Variants in MREG observed in about 807,000 individuals in gnomAD.
MREG encodes dilute suppressor protein homolog.
MREG carries 31 observed loss-of-function variants against 28.5 expected under a neutral mutation model. That is an observed-to-expected ratio of 1.09 (90% CI 0.82 to 1.47). The LOEUF (loss-of-function observed/expected upper bound fraction) is 1.47. Among genes scored for constraint, MREG ranks in the 40% most tolerant of loss-of-function variants. The probability of loss-of-function intolerance (pLI) is 0.00; values close to 1 mark genes in which losing one functional copy is unlikely to be tolerated. For synonymous variants in MREG, 106 were observed against 95.2 expected, an observed-to-expected ratio of 1.11 and a Z score of -0.66; for missense variants, 256 against 257.4, an observed-to-expected ratio of 0.99 and a Z score of 0.04.
intron 1 of MREG, among the ~76,000 whole-genome samples, chr2:216,004,793 C>T (rs775458825): frequency 5.3e-5 from 8 of 151,996 alleles, no homozygotes; most frequent in East Asian, 1.9e-4. Context: ...CATATGTTTA[C>T]GCCATGTGAC....
intron 1 of MREG, among the ~76,000 whole-genome samples, chr2:216,009,113 T>C (rs1484019430): frequency 6.6e-6 from 1 of 152,202 alleles, no homozygotes; most frequent in Non-Finnish European, 1.5e-5. Context: ...TGTGAGCCGA[T>C]GGCAGGATTA....
chr2:215,976,550 G>A (rs193255084), intron 2 of MREG, among the ~76,000 whole-genome samples: 12 of 152,240 alleles, frequency 7.9e-5, no homozygotes, highest in African/African-American at 2.6e-4. Context: ...GGAAAGCACC[G>A]AGTTATCATA....
intron 2 of MREG, among the ~76,000 whole-genome samples, chr2:215,984,396 G>A (rs549955173): frequency 6.6e-6 from 1 of 151,960 alleles, no homozygotes; most frequent in East Asian, 1.9e-4. Context: ...GCTCATGCCT[G>A]CAATCCAATG....
intron 1 of MREG, among the ~76,000 whole-genome samples, chr2:216,000,195 C>T (rs1032576680): frequency 6.6e-6 from 1 of 152,140 alleles, no homozygotes; most frequent in African/African-American, 2.4e-5. Context: ...GCCTACTTTG[C>T]AGATAGGGAC....
At chr2:215,958,433 ATGTAT>A (rs1692691041) in intron 2 of MREG, among the ~76,000 whole-genome samples, 3 of 152,158 alleles carry the variant, frequency 2.0e-5, no homozygotes, top group African/African-American at 7.2e-5. Flanking sequence ...AAACATCCAA[ATGTAT>A]GACTGTATTT....
At chr2:215,986,102 T>C (rs1327433192) in intron 2 of MREG, among the ~76,000 whole-genome samples, 1 of 152,206 alleles carries the variant, frequency 6.6e-6, no homozygotes, top group Non-Finnish European at 1.5e-5. Flanking sequence ...TCATAACTAG[T>C]AGTAGTCCTT....
intron 1 of MREG, among the ~76,000 whole-genome samples, chr2:216,029,603 C>T (rs889329336): frequency 2.0e-5 from 3 of 152,240 alleles, no homozygotes; most frequent in Non-Finnish European, 2.9e-5. Context: ...GAAACACAAA[C>T]TTGTTATCCC....
intron 2 of MREG, among the ~76,000 whole-genome samples, chr2:215,948,655 ATAG>A (rs1249207002): frequency 6.6e-6 from 1 of 152,208 alleles, no homozygotes; most frequent in Non-Finnish European, 1.5e-5. Context: ...GCCACTCAGT[ATAG>A]CATATTGGAA....
At chr2:215,991,912 C>A (rs1265995658) in intron 2 of MREG, among the ~76,000 whole-genome samples, 1 of 152,070 alleles carries the variant, frequency 6.6e-6, no homozygotes, top group Non-Finnish European at 1.5e-5. Context: ...TAATAGCCTA[C>A]CAACCAAAAA....
chr2:215,949,065 ACTACTAC>A (rs1559173434), intron 2 of MREG, among the ~76,000 whole-genome samples: 50 of 142,276 alleles, frequency 3.5e-4, no homozygotes, highest in African/African-American at 1.0e-3. Flanking sequence ...TACTACTACT[ACTACTAC>A]TACTACTACT....
chr2:215,940,174 A>T (rs1692181433), downstream of MREG, among the ~76,000 whole-genome samples: 1 of 152,224 alleles, frequency 6.6e-6, no homozygotes, highest in South Asian at 2.1e-4. Flanking sequence ...TGAAAACTGG[A>T]TACCCAAATG....
chr2:215,945,937 T>C (rs990799537), intron 3 of MREG, among the ~76,000 whole-genome samples: 2 of 152,154 alleles, frequency 1.3e-5, no homozygotes, highest in Non-Finnish European at 2.9e-5. Flanking sequence ...TACAATTCTT[T>C]CGGTATTTTT....
chr2:215,953,055 C>T (rs571543334), intron 2 of MREG, among the ~76,000 whole-genome samples: 1 of 152,192 alleles, frequency 6.6e-6, no homozygotes, highest in Non-Finnish European at 1.5e-5. Context: ...CACTTTGGAC[C>T]AACCATGATT....
At chr2:215,940,974 C>G, downstream of MREG, among the ~76,000 whole-genome samples, 1 of 152,202 alleles carries the variant, frequency 6.6e-6, no homozygotes, top group East Asian at 1.9e-4. Context: ...AACCATGTAG[C>G]TGACCTTGTC....
chr2:216,031,651 G>T (rs1694704190), intron 1 of MREG, among the ~76,000 whole-genome samples: 1 of 57,190 alleles, frequency 1.7e-5, no homozygotes, highest in African/African-American at 7.9e-5. Flanking sequence ...AAGAAGAAAA[G>T]AAAGAAAGAA....
intron 1 of MREG, among the ~76,000 whole-genome samples, chr2:216,024,524 C>T (rs1272370585): frequency 6.6e-6 from 1 of 151,740 alleles, no homozygotes; most frequent in East Asian, 1.9e-4. Context: ...CTCCTCAGTC[C>T]AAGGGAGAGC....
At chr2:215,960,260 AC>A (rs1292120004) in intron 2 of MREG, among the ~76,000 whole-genome samples, 4 of 151,898 alleles carry the variant, frequency 2.6e-5, no homozygotes, top group African/African-American at 9.7e-5. Flanking sequence ...CAGCCAAGAT[AC>A]TCTTATACAA....
At chr2:216,012,508 C>A (rs536639380) in intron 1 of MREG, among the ~76,000 whole-genome samples, 1 of 151,730 alleles carries the variant, frequency 6.6e-6, no homozygotes, top group Non-Finnish European at 1.5e-5. Context: ...TTTAAATATT[C>A]TGTTTCTGTC....
intron 2 of MREG, among the ~76,000 whole-genome samples, chr2:215,992,758 T>C (rs1040748781): frequency 2.0e-5 from 3 of 152,216 alleles, no homozygotes; most frequent in African/African-American, 7.2e-5. Flanking sequence ...CAAGCATTCC[T>C]GTACACCAAT....
Sources: allele counts gnomAD v4.1 joint callset (sites outside exome capture counted in the v4.1 genomes callset), GRCh38; gene constraint gnomAD v4.1.1; transcripts MANE v1.5; gene names NCBI Gene and HGNC (gene_info 2026-07-23, HGNC 2026-07-21).